Variants in VWA3A observed in about 807,000 individuals in gnomAD.
The protein encoded by VWA3A is von Willebrand factor A domain-containing protein 3A.
A neutral mutation model predicts 160.4 loss-of-function variants in VWA3A; 134 were observed. That is an observed-to-expected ratio of 0.84 (90% CI 0.73 to 0.96). VWA3A has a LOEUF of 0.96. Among genes scored for constraint, VWA3A ranks in the 40% least tolerant of loss-of-function variants. The probability of loss-of-function intolerance (pLI) is 0.00; values close to 1 mark genes in which losing one functional copy is unlikely to be tolerated. For missense variants in VWA3A, 1,310 were observed against 1,447.9 expected (o/e 0.90, Z 1.55); for synonymous variants, 476 against 543.4 (o/e 0.88, Z 1.72).
Position 22,131,710 on chromosome 16 carries a change from G to A in VWA3A, c.1853G>A (p.Gly618Asp), listed in dbSNP as rs199942653. Residue 618 changes from glycine (G) to aspartate (D), a missense_variant, in exon 19 of 34, where the codon GGC (glycine) becomes GAC (aspartate). Transcript: ENST00000389398. Reference protein sequence around the residue: ...QSQGIYLFTGGIPDQDMPTLS... With the variant: ...QSQGIYLFTGDIPDQDMPTLS... ...CAGGGAATCTACCTCTTCACTGGGG[G>A]CATCCCCGACCAGGACATGGTGGGT... 10 of 1,613,584 alleles carry A rather than the reference G, an allele frequency of 6.2e-6. No homozygotes were observed. The highest frequency in any genetic ancestry group is 7.6e-6 in the Non-Finnish European group (9 of 1,179,736).
At chr16:22,131,548 C>T (rs2045948528) in intron 18 of VWA3A, 37 bp from the exon 19 acceptor site, 1 of 1,603,898 alleles carries the variant, frequency 6.2e-7, no homozygotes. Flanking sequence ...TGGGCATGGG[C>T]CAATGACCCT....
At position 22,123,139 on chromosome 16, in the gene VWA3A, G is replaced by A. The variant is rs1188053630; in HGVS notation, c.1411G>A (p.Asp471Asn). 4.4e-6 allele frequency: 7 copies of A among 1,605,280 alleles called. No homozygotes were observed. The highest frequency in any genetic ancestry group is 6.0e-6 in the Non-Finnish European group (7 of 1,175,816). The change falls in exon 15 of 34, where the codon GAC (aspartate) becomes AAC (asparagine). Residue 471 changes from aspartate to asparagine, a missense_variant. Physicochemically the swap from Asp to Asn is conservative, Grantham distance 23. Transcript: ENST00000389398. ...HDGTVKNIHVDPPFLYKYQQQ... is the reference protein window; with the variant it reads ...HDGTVKNIHVNPPFLYKYQQQ... ...CGGGACAGTGAAGAACATTCATGTG[G>A]ACCCACCCTTCCTCTATAAGTACCA...
intron 14 of VWA3A, among the ~76,000 whole-genome samples, chr16:22,121,876 G>C (rs1304481411): frequency 1.3e-5 from 2 of 152,136 alleles, no homozygotes; most frequent in African/African-American, 4.8e-5. Context: ...AACTCAGACA[G>C]GACAGACTTG....
intron 27 of VWA3A, 41 bp from the exon 28 acceptor site, chr16:22,148,121 C>G (rs1464301080): frequency 6.5e-7 from 1 of 1,548,054 alleles, no homozygotes; most frequent in Non-Finnish European, 8.7e-7. Context: ...GGAGGGACCC[C>G]TCACTCCCTC....
intron 7 of VWA3A, 151 bp from the exon 8 acceptor site, chr16:22,110,737 G>A (rs535043247): frequency 1.4e-5 from 8 of 562,064 alleles, no homozygotes; most frequent in South Asian, 1.0e-4. Context: ...AGCAAATGTC[G>A]GCTTGGGGCT....
chr16:22,144,441 G>C, intron 26 of VWA3A, 57 bp downstream of exon 26: 1 of 1,598,094 alleles, frequency 6.3e-7, no homozygotes, highest in East Asian at 2.2e-5. Context: ...GCTGCAAATG[G>C]CAGAGAGCAG....
intron 23 of VWA3A, chr16:22,141,123 G>T (rs2046140228): frequency 2.2e-6 from 1 of 451,860 alleles, no homozygotes; most frequent in Non-Finnish European, 4.5e-6. Context: ...TGCCACTAGT[G>T]GTAACAGGCC....
At chr16:22,112,227 A>G (rs1411350057) in intron 8 of VWA3A, among the ~76,000 whole-genome samples, 1 of 152,172 alleles carries the variant, frequency 6.6e-6, no homozygotes, top group Non-Finnish European at 1.5e-5. Flanking sequence ...ATTTTCCGTG[A>G]AGGGAATGTC....
At chr16:22,132,165 C>T (rs2045960158) in intron 19 of VWA3A, among the ~76,000 whole-genome samples, 1 of 152,148 alleles carries the variant, frequency 6.6e-6, no homozygotes, top group South Asian at 2.1e-4. Context: ...AGGCAGATCA[C>T]CTGAGGTCGG....
chr16:22,105,055 A>G (rs1304881112), intron 6 of VWA3A, among the ~76,000 whole-genome samples: 1 of 151,740 alleles, frequency 6.6e-6, no homozygotes, highest in Non-Finnish European at 1.5e-5. Context: ...CAGATCCAGA[A>G]CCTCCTTCAC....
chr16:22,144,441 G>A (rs2046211727), intron 26 of VWA3A, 57 bp downstream of exon 26: 1 of 1,598,092 alleles, frequency 6.3e-7, no homozygotes, highest in Non-Finnish European at 8.5e-7. Flanking sequence ...GCTGCAAATG[G>A]CAGAGAGCAG....
intron 6 of VWA3A, among the ~76,000 whole-genome samples, chr16:22,105,607 T>C (rs1218960425): frequency 1.3e-5 from 2 of 152,256 alleles, no homozygotes; most frequent in African/African-American, 4.8e-5. Flanking sequence ...TAAATCCTGG[T>C]ATTTCACTTT....
intron 11 of VWA3A, among the ~76,000 whole-genome samples, 171 bp from the exon 12 acceptor site, chr16:22,118,731 G>T (rs1281435422): frequency 2.0e-5 from 3 of 152,178 alleles, no homozygotes; most frequent in Non-Finnish European, 4.4e-5. Context: ...CACAAACGGA[G>T]CACAGCATGT....
In VWA3A at chr16:22,126,178, G is replaced by A. The variant is rs908506282; in HGVS notation, c.1533G>A (p.Arg511=). The part of the protein sequence containing the change: ...RRIWGTVCEK[R]VVVLLDISAT... ...TCTTAAAGCTCGTGTTTCCTTTTAG[G>A]GTGGTTGTACTGCTCGATATCTCTG... is the stretch of plus-strand genomic sequence containing the variant. Residue 511 remains arginine (R), a splice_region_variant and synonymous_variant, in exon 17 of 34, where the codon AGG becomes AGA. Transcript: ENST00000389398. 2.5e-6 allele frequency: 4 copies of A among 1,613,398 alleles called. No homozygotes were observed. The highest frequency in any genetic ancestry group is 1.3e-5 in the African/African-American group (1 of 74,988).
At chr16:22,116,999 C>A in intron 10 of VWA3A, 112 bp from the exon 11 acceptor site, 1 of 1,443,294 alleles carries the variant, frequency 6.9e-7, no homozygotes, top group Non-Finnish European at 9.5e-7. Context: ...GCCTGGTTCT[C>A]CCTTTGGTAA....
At chr16:22,131,356 C>T in intron 18 of VWA3A, 77 bp downstream of exon 18, 1 of 1,538,628 alleles carries the variant, frequency 6.5e-7, no homozygotes, top group Non-Finnish European at 8.9e-7. Context: ...GTCCCCCTCT[C>T]CACCAAGAAG....
At chr16:22,115,925 A>G (rs181387546) in intron 9 of VWA3A, among the ~76,000 whole-genome samples, 1,306 of 18,438 alleles carry the variant, frequency 0.071, 76 homozygotes, top group African/African-American at 0.097. Context: ...AAGGAAGGAA[A>G]GGAAAGGAAA....
chr16:22,097,481 T>C (rs2045344587), intron 2 of VWA3A, 91 bp from the exon 3 acceptor site: 1 of 1,482,984 alleles, frequency 6.7e-7, no homozygotes, highest in East Asian at 2.5e-5. Flanking sequence ...CTAGAATCCT[T>C]GTAGGGACTA....
Position 22,098,911 on chromosome 16 carries a change from CAAAAAAAA to C in VWA3A, c.225+1236_225+1243del, listed in dbSNP as rs900328333. Among the ~76,000 whole-genome samples the C allele has an allele frequency of 4.4e-4, 18 of 41,058 alleles. No individual in the cohort carries two copies. The South Asian group carries it at 8.6e-3, about 20-fold the overall frequency. The allele number at this position is 41,058 out of a possible 152,430, so 26.9% of individuals were successfully genotyped here. A position where few individuals can be genotyped will look rare whatever the true frequency, so the allele number is the denominator to read the frequency against. ...GCAACATGGTGAAACCCTGTTTCCA[CAAAAAAAA>C]AAAAAAAAAAAAAAAAAAATACACA... is the stretch of plus-strand genomic sequence containing the variant. On this transcript the variant is annotated intron_variant, in intron 3 of 33. Coordinates refer to ENST00000389398, the MANE Select transcript of VWA3A (RefSeq NM_173615.5).
Sources: allele counts gnomAD v4.1 joint callset (sites outside exome capture counted in the v4.1 genomes callset), GRCh38; gene constraint gnomAD v4.1.1; transcripts MANE v1.5; gene names NCBI Gene and HGNC (gene_info 2026-07-23, HGNC 2026-07-21).